The following ST6GALNAC5 variants were observed in gnomAD, a reference collection of about 807,000 sequenced individuals.
ST6GALNAC5 encodes the protein alpha-N-acetylgalactosaminide alpha-2,6-sialyltransferase 5.
A neutral mutation model predicts 33.6 loss-of-function variants in ST6GALNAC5; 27 were observed. The observed-to-expected ratio is 0.80, with a 90% CI of 0.59 to 1.11. ST6GALNAC5 has a LOEUF of 1.11. Ranked by LOEUF, ST6GALNAC5 falls within the 50% of genes least tolerant of loss-of-function variation. The pLI, the probability that ST6GALNAC5 is intolerant of heterozygous loss-of-function variation, is 0.00. For synonymous variants in ST6GALNAC5, 194 were observed against 171.2 expected, an observed-to-expected ratio of 1.13 and a Z score of -1.04; for missense variants, 428 against 454.0, an observed-to-expected ratio of 0.94 and a Z score of 0.52.
At chr1:76,946,550 T>G (rs996302904) in intron 2 of ST6GALNAC5, among the ~76,000 whole-genome samples, 10 of 152,108 alleles carry the variant, frequency 6.6e-5, no homozygotes, top group Non-Finnish European at 1.3e-4. Flanking sequence ...GTTACTTGCT[T>G]TATTGAACAT....
intron 2 of ST6GALNAC5, among the ~76,000 whole-genome samples, chr1:77,013,020 A>G (rs1007781517): frequency 3.9e-5 from 6 of 152,188 alleles, no homozygotes; most frequent in Non-Finnish European, 5.9e-5. Flanking sequence ...TTATGTCACA[A>G]AGTAGTTGCA....
chr1:76,966,380 C>G (rs1179962910), intron 2 of ST6GALNAC5, among the ~76,000 whole-genome samples: 1 of 152,130 alleles, frequency 6.6e-6, no homozygotes. Flanking sequence ...AATGGGAGTT[C>G]ACTGATGATT....
chr1:76,980,210 T>G (rs1391499070), intron 2 of ST6GALNAC5, among the ~76,000 whole-genome samples: 1 of 152,174 alleles, frequency 6.6e-6, no homozygotes. Context: ...ACCTACATAC[T>G]GTGGTATTTT....
chr1:76,932,366 A>C (rs1647152490), intron 2 of ST6GALNAC5, among the ~76,000 whole-genome samples: 1 of 152,128 alleles, frequency 6.6e-6, no homozygotes, highest in Non-Finnish European at 1.5e-5. Flanking sequence ...ACTAGCCTAC[A>C]TGAGGAAGTA....
chr1:76,999,075 T>C (rs1650044446), intron 2 of ST6GALNAC5, among the ~76,000 whole-genome samples: 1 of 152,096 alleles, frequency 6.6e-6, no homozygotes, highest in African/African-American at 2.4e-5. Context: ...TGTAGGAAAA[T>C]AAAAAGGTTA....
chr1:76,995,951 C>T (rs1236535099), intron 2 of ST6GALNAC5, among the ~76,000 whole-genome samples: 1 of 152,150 alleles, frequency 6.6e-6, no homozygotes, highest in African/African-American at 2.4e-5. Context: ...AGGAGAGAGA[C>T]CATTAGACAT....
intron 2 of ST6GALNAC5, among the ~76,000 whole-genome samples, chr1:77,009,266 G>GACTT (rs773550858): frequency 1.3e-5 from 2 of 152,162 alleles, no homozygotes; most frequent in African/African-American, 2.4e-5. Flanking sequence ...TTCCTCTTTG[G>GACTT]ACTTAGCTGG....
intron 2 of ST6GALNAC5, among the ~76,000 whole-genome samples, chr1:76,909,424 A>T (rs543867729): frequency 1.3e-5 from 2 of 152,126 alleles, no homozygotes; most frequent in Admixed American, 6.6e-5. Flanking sequence ...TACATAAAAT[A>T]TAATGTAAAT....
chr1:76,947,702 C>T (rs982084486), intron 2 of ST6GALNAC5, among the ~76,000 whole-genome samples: 4 of 152,178 alleles, frequency 2.6e-5, no homozygotes, highest in South Asian at 2.1e-4. Flanking sequence ...GCTATGATCA[C>T]GCCGCTGTAT....
chr1:76,991,285 G>A (rs990125645), intron 2 of ST6GALNAC5, among the ~76,000 whole-genome samples: 3 of 152,118 alleles, frequency 2.0e-5, no homozygotes, highest in Admixed American at 6.5e-5. Flanking sequence ...TTGGCTTGCG[G>A]AAAGCAAATA....
chr1:76,881,253 T>G (rs1024820234), intron 2 of ST6GALNAC5, among the ~76,000 whole-genome samples: 1 of 152,212 alleles, frequency 6.6e-6, no homozygotes, highest in Non-Finnish European at 1.5e-5. Context: ...TTATGAGATG[T>G]GTTCAAATTC....
chr1:77,047,793 G>T (rs749687473), intron 3 of ST6GALNAC5, among the ~76,000 whole-genome samples: 1 of 152,112 alleles, frequency 6.6e-6, no homozygotes, highest in Admixed American at 6.5e-5. Context: ...GAGCAGAAAG[G>T]CCCTTAATTG....
intron 2 of ST6GALNAC5, among the ~76,000 whole-genome samples, chr1:77,009,840 G>A (rs1447922252): frequency 6.6e-6 from 1 of 152,068 alleles, no homozygotes; most frequent in Non-Finnish European, 1.5e-5. Flanking sequence ...CCTCTTTTAT[G>A]GAAAATACTA....
At chr1:77,039,106 G>T (rs569380899) in intron 2 of ST6GALNAC5, among the ~76,000 whole-genome samples, 1 of 152,296 alleles carries the variant, frequency 6.6e-6, no homozygotes, top group South Asian at 2.1e-4. Flanking sequence ...TCCCTCTAGA[G>T]ACCCCACCCA....
chr1:76,955,124 T>C lies in ST6GALNAC5; in HGVS notation c.261+86382T>C, dbSNP rs114142976. Among the ~76,000 whole-genome samples, 553 of 152,224 alleles carry C rather than the reference T, an allele frequency of 3.6e-3. 6 individuals carry two copies. The highest frequency in any genetic ancestry group is 0.013 in the African/African-American group (532 of 41,554). ...CGGCATGAAGGAAAAAAAGCAGATG[T>C]AGTGGTTTAAACAGACAAACCCAAA... On this transcript the variant is annotated intron_variant, in intron 2 of 4. Coordinates refer to ENST00000477717, the MANE Select transcript of ST6GALNAC5 (RefSeq NM_030965.3).
intron 2 of ST6GALNAC5, among the ~76,000 whole-genome samples, chr1:77,013,061 T>C (rs1360187259): frequency 5.3e-5 from 8 of 152,180 alleles, no homozygotes; most frequent in Non-Finnish European, 1.2e-4. Context: ...AAGACCTCCC[T>C]GGCAGAAGGA....
At chr1:76,881,353 A>G (rs1489484361) in intron 2 of ST6GALNAC5, among the ~76,000 whole-genome samples, 1 of 152,210 alleles carries the variant, frequency 6.6e-6, no homozygotes, top group African/African-American at 2.4e-5. Context: ...ATGTCTTTCT[A>G]AATAAAAAAT....
At chr1:76,967,842 C>T (rs1175549751) in intron 2 of ST6GALNAC5, among the ~76,000 whole-genome samples, 1 of 152,120 alleles carries the variant, frequency 6.6e-6, no homozygotes, top group Non-Finnish European at 1.5e-5. Context: ...ATTATTTACC[C>T]AGTAGTCATT....
At chr1:76,976,263 A>G (rs998418291) in intron 2 of ST6GALNAC5, among the ~76,000 whole-genome samples, 2 of 152,168 alleles carry the variant, frequency 1.3e-5, no homozygotes, top group African/African-American at 4.8e-5. Context: ...TTTTACATTT[A>G]TATTTAATGT....
Sources: gnomAD v4.1 joint callset for allele counts (sites outside exome capture counted in the v4.1 genomes callset) on GRCh38, gnomAD v4.1.1 for gene constraint, MANE v1.5 for transcripts, NCBI Gene and HGNC (gene_info 2026-07-23, HGNC 2026-07-21) for gene names.